TMEM178B: variants seen among roughly 807,000 people sequenced by gnomAD.
The protein encoded by TMEM178B is transmembrane protein 178B.
Under a neutral mutation model 31.0 loss-of-function variants are expected in TMEM178B, and 5 were observed. The observed-to-expected ratio is 0.16, with a 90% CI of 0.08 to 0.34. The LOEUF (loss-of-function observed/expected upper bound fraction) is 0.34. TMEM178B is among the 10% of genes least tolerant of loss of function. TMEM178B has a pLI of 1.00. For missense variants in TMEM178B, 275 were observed against 400.3 expected, an observed-to-expected ratio of 0.69 and a Z score of 2.67; for synonymous variants, 164 against 164.0, an observed-to-expected ratio of 1.00 and a Z score of 0.00.
At chr7:141,437,519 CCT>C in intron 2 of TMEM178B, 87 bp from the exon 3 acceptor site, 2 of 1,483,974 alleles carry the variant, frequency 1.3e-6, no homozygotes, top group African/African-American at 1.4e-5. Flanking sequence ...AGGGCCACTC[CCT>C]CTCTGCACCC....
At chr7:141,172,593 G>A (rs1404584028) in intron 1 of TMEM178B, among the ~76,000 whole-genome samples, 1 of 152,202 alleles carries the variant, frequency 6.6e-6, no homozygotes, top group East Asian at 1.9e-4. Flanking sequence ...AGCCTCTTGA[G>A]AAGTAACTGA....
intron 2 of TMEM178B, among the ~76,000 whole-genome samples, chr7:141,349,085 CTTTA>C (rs1407649404): frequency 1.3e-5 from 2 of 152,132 alleles, no homozygotes; most frequent in Non-Finnish European, 2.9e-5. Context: ...TTCTTCTGCA[CTTTA>C]TTTAGTAGCT....
chr7:141,107,529 T>A (rs141816563), intron 1 of TMEM178B, among the ~76,000 whole-genome samples: 307 of 152,222 alleles, frequency 2.0e-3, no homozygotes, highest in African/African-American at 6.7e-3. Flanking sequence ...ATTGAGTATG[T>A]AGAGGGGATA....
chr7:141,348,535 G>A (rs1350864504), intron 2 of TMEM178B, among the ~76,000 whole-genome samples: 1 of 152,202 alleles, frequency 6.6e-6, no homozygotes, highest in Non-Finnish European at 1.5e-5. Context: ...GGGGAGAGCA[G>A]TCTGAAATTA....
intron 1 of TMEM178B, among the ~76,000 whole-genome samples, chr7:141,092,042 A>C (rs1794889799): frequency 6.6e-6 from 1 of 152,224 alleles, no homozygotes; most frequent in African/African-American, 2.4e-5. Context: ...GTACTTTAAC[A>C]TGCTAAAGAT....
At chr7:141,417,976 C>T (rs977214598) in intron 2 of TMEM178B, among the ~76,000 whole-genome samples, 1 of 152,088 alleles carries the variant, frequency 6.6e-6, no homozygotes, top group Non-Finnish European at 1.5e-5. Context: ...TGTCCTTTAC[C>T]GCTGAACTCT....
intron 2 of TMEM178B, among the ~76,000 whole-genome samples, chr7:141,273,007 T>C (rs961678841): frequency 2.0e-5 from 3 of 152,198 alleles, no homozygotes; most frequent in African/African-American, 7.2e-5. Flanking sequence ...ATGTAACATA[T>C]GCGCACATAT....
At chr7:141,411,957 C>T (rs1250846146) in intron 2 of TMEM178B, among the ~76,000 whole-genome samples, 3 of 152,136 alleles carry the variant, frequency 2.0e-5, no homozygotes, top group South Asian at 2.1e-4. Context: ...GCAGGGAAAC[C>T]GTATTCTCCC....
At chr7:141,118,562 T>A (rs372928003) in intron 1 of TMEM178B, among the ~76,000 whole-genome samples, 2 of 152,316 alleles carry the variant, frequency 1.3e-5, no homozygotes, top group East Asian at 3.9e-4. Context: ...TCTAGTTAAA[T>A]CACGGATCTG....
the TMEM178B span, among the ~76,000 whole-genome samples, chr7:141,495,799 CA>C: frequency 5.3e-5 from 8 of 152,178 alleles, no homozygotes; most frequent in Admixed American, 5.2e-4. Context: ...AACCATTAAG[CA>C]AAAAACACCA....
intron 1 of TMEM178B, among the ~76,000 whole-genome samples, chr7:141,153,958 A>G (rs752077624): frequency 2.0e-4 from 31 of 152,218 alleles, no homozygotes; most frequent in Non-Finnish European, 4.3e-4. Context: ...GGTGATATAG[A>G]CACCTTCATT....
chr7:141,287,982 T>C (rs1054072229), intron 2 of TMEM178B, among the ~76,000 whole-genome samples: 2 of 152,222 alleles, frequency 1.3e-5, no homozygotes, highest in African/African-American at 2.4e-5. Flanking sequence ...GCTTGTTTTT[T>C]TCCCCCCCAA....
chr7:141,132,247 A>G (rs1291804407), intron 1 of TMEM178B, among the ~76,000 whole-genome samples: 1 of 152,138 alleles, frequency 6.6e-6, no homozygotes, highest in Non-Finnish European at 1.5e-5. Context: ...AGGGCAGACT[A>G]CCATTTCTGT....
chr7:141,348,066 A>T (rs1799650363), intron 2 of TMEM178B, among the ~76,000 whole-genome samples: 1 of 152,246 alleles, frequency 6.6e-6, no homozygotes, highest in Non-Finnish European at 1.5e-5. Flanking sequence ...AACAATGCTT[A>T]CATATGCTTT....
At chr7:141,508,406 T>C in the TMEM178B span, among the ~76,000 whole-genome samples, 1 of 152,200 alleles carries the variant, frequency 6.6e-6, no homozygotes, top group East Asian at 1.9e-4. Flanking sequence ...TCCCAAACTT[T>C]CCCACATTTT....
At chr7:141,246,393 G>T (rs554935633) in intron 2 of TMEM178B, among the ~76,000 whole-genome samples, 1 of 152,174 alleles carries the variant, frequency 6.6e-6, no homozygotes, top group South Asian at 2.1e-4. Flanking sequence ...GGTTCAGTAC[G>T]ATGTTTCTGA....
intron 1 of TMEM178B, among the ~76,000 whole-genome samples, chr7:141,193,475 C>T (rs1796730181): frequency 6.6e-6 from 1 of 152,240 alleles, no homozygotes; most frequent in Non-Finnish European, 1.5e-5. Flanking sequence ...TTGCTCCTCT[C>T]CACTCACTCT....
At chr7:141,499,322 G>C in the TMEM178B span, among the ~76,000 whole-genome samples, 2 of 152,042 alleles carry the variant, frequency 1.3e-5, no homozygotes, top group African/African-American at 2.4e-5. Context: ...CATTGTCAAA[G>C]AGTGGGATAA....
chr7:141,356,000 A>T (rs1799811684), intron 2 of TMEM178B, among the ~76,000 whole-genome samples: 1 of 152,204 alleles, frequency 6.6e-6, no homozygotes, highest in Admixed American at 6.5e-5. Flanking sequence ...TTCTCTTAGG[A>T]TATTGACGCC....
Sources: gnomAD v4.1 joint callset for allele counts (sites outside exome capture counted in the v4.1 genomes callset) on GRCh38, gnomAD v4.1.1 for gene constraint, MANE v1.5 for transcripts, NCBI Gene and HGNC (gene_info 2026-07-23, HGNC 2026-07-21) for gene names.